GRK6: variants seen among roughly 807,000 people sequenced by gnomAD.
GRK6 encodes G protein-coupled receptor kinase 6.
A neutral mutation model predicts 80.8 loss-of-function variants in GRK6; 37 were observed. That is an observed-to-expected ratio of 0.46 (90% CI 0.35 to 0.60). GRK6 has a LOEUF of 0.60. Ranked by LOEUF, GRK6 falls within the 20% of genes least tolerant of loss-of-function variation. The pLI is 0.00. For synonymous variants in GRK6, 295 were observed against 320.9 expected, an observed-to-expected ratio of 0.92 and a Z score of 0.86; for missense variants, 560 against 784.6, an observed-to-expected ratio of 0.71 and a Z score of 3.42.
At position 177,436,265 on chromosome 5, in the gene GRK6, G is replaced by A. The variant is rs776311701; in HGVS notation, c.1250G>A (p.Arg417His). Reference sequence around the variant, plus strand: ...TCCGAGCGCTTTTCCCCGCAGGCCCGCTCACTTTGCTCACAGGTACGGCAG... The same window carrying A: ...TCCGAGCGCTTTTCCCCGCAGGCCCACTCACTTTGCTCACAGGTACGGCAG... ...EYSERFSPQA[R>H]SLCSQLLCKD... Residue 417 changes from arginine to histidine, a missense_variant, in exon 12 of 16, where the codon CGC becomes CAC. Coordinates refer to ENST00000355472, the MANE Select transcript of GRK6 (RefSeq NM_001004106.3). 8.7e-6 allele frequency: 14 copies of A among 1,613,960 alleles called. No homozygotes were observed. Among genetic ancestry groups the A allele is most frequent in the Admixed American group, 6.7e-5 (4 of 60,004 alleles).
chr5:177,426,947 C>A, intron 1 of GRK6, 50 bp downstream of exon 1: 1 of 1,236,818 alleles, frequency 8.1e-7, no homozygotes. Context: ...AGCGCGAGTG[C>A]GCTGCGTCTG....
At chr5:177,434,172 G>A (rs1460446273) in intron 9 of GRK6, 68 bp downstream of exon 9, 9 of 1,418,762 alleles carry the variant, frequency 6.3e-6, no homozygotes, top group African/African-American at 2.9e-5. Context: ...GGGCCTGGAC[G>A]GGGGTGGCCA....
At chr5:177,434,800 C>T in intron 9 of GRK6, 102 bp from the exon 10 acceptor site, 1 of 1,339,042 alleles carries the variant, frequency 7.5e-7, no homozygotes, top group Admixed American at 1.7e-5. Flanking sequence ...TCGCACCTTG[C>T]TCCACACCTG....
chr5:177,427,252 G>T (rs576579816), intron 1 of GRK6, among the ~76,000 whole-genome samples: 2 of 152,314 alleles, frequency 1.3e-5, no homozygotes, highest in South Asian at 4.1e-4. Flanking sequence ...CGTGCCAGGG[G>T]CCCAGACCCC....
In GRK6 at chr5:177,429,175, A is replaced by T. The variant is rs1487622963; in HGVS notation, c.53-1697A>T. Among the ~76,000 whole-genome samples the T allele has an allele frequency of 6.6e-6, 1 of 152,108 alleles. No homozygotes were observed. The highest frequency in any genetic ancestry group is 1.5e-5 in the Non-Finnish European group (1 of 68,012). On this transcript the variant is annotated intron_variant, in intron 1 of 15. Coordinates refer to ENST00000355472, the MANE Select transcript of GRK6 (RefSeq NM_001004106.3). This position sits in a 1 kb window ranked among gnomAD's most constrained non-coding sequence, Gnocchi z 4.3. ...CATATAAAATTGGGCCTGCTCTGGC[A>T]GAGTTGCTGTGAGGATGGAGTGGGA...
At position 177,428,134 on chromosome 5, in the gene GRK6, C is replaced by T. The variant is rs1036421093; in HGVS notation, c.52+1237C>T. Among the ~76,000 whole-genome samples the T allele has an allele frequency of 2.6e-5, 4 of 152,242 alleles. No homozygotes were observed. Among genetic ancestry groups the T allele is most frequent in the Non-Finnish European group, 5.9e-5 (4 of 68,038 alleles). ...GCCTGTCTTATCCCCTGTCCCTTAT[C>T]GAGCCCATGGGCTAGGCCTTCCTCC... On this transcript the variant is annotated intron_variant, in intron 1 of 15. Coordinates refer to ENST00000355472, the MANE Select transcript of GRK6 (RefSeq NM_001004106.3). The surrounding 1 kb of genome is among the most constrained non-coding windows in gnomAD (Gnocchi z 4.1).
intron 13 of GRK6, among the ~76,000 whole-genome samples, chr5:177,439,104 C>CA (rs757911270): frequency 2.0e-5 from 3 of 152,198 alleles, no homozygotes; most frequent in Non-Finnish European, 4.4e-5. Context: ...ATCTTCCATT[C>CA]AAAGTCGGAG....
chr5:177,427,366 T>C (rs1187141209), intron 1 of GRK6, among the ~76,000 whole-genome samples: 1 of 152,238 alleles, frequency 6.6e-6, no homozygotes, highest in Non-Finnish European at 1.5e-5. Context: ...GGGAAACTCC[T>C]GGCCACAAAT....
intron 13 of GRK6, among the ~76,000 whole-genome samples, chr5:177,437,715 CTCTT>C (rs1764228142): frequency 6.6e-6 from 1 of 152,248 alleles, no homozygotes; most frequent in African/African-American, 2.4e-5. Flanking sequence ...AACCTGTTGA[CTCTT>C]TCCCTCCCCC....
chr5:177,429,047 G>A lies in GRK6; in HGVS notation c.53-1825G>A, dbSNP rs982530361. On this transcript the variant is annotated intron_variant, in intron 1 of 15. Coordinates refer to ENST00000355472, the MANE Select transcript of GRK6 (RefSeq NM_001004106.3). The surrounding 1 kb of genome is among the most constrained non-coding windows in gnomAD (Gnocchi z 4.3). ...GTTGTGGCCATAGGGAGCTGGGTACGAATCCTGTACCCAGGATTGGTCTCT... is the reference window on the plus strand; with the variant it reads ...GTTGTGGCCATAGGGAGCTGGGTACAAATCCTGTACCCAGGATTGGTCTCT... 6.6e-6 allele frequency among the ~76,000 whole-genome samples: 1 copy of A among 152,156 alleles called. No homozygotes were observed. Among genetic ancestry groups the A allele is most frequent in the Non-Finnish European group, 1.5e-5 (1 of 68,018 alleles).
chr5:177,427,898 G>A (rs901561575), intron 1 of GRK6, among the ~76,000 whole-genome samples: 1 of 152,190 alleles, frequency 6.6e-6, no homozygotes, highest in Non-Finnish European at 1.5e-5. Context: ...TTACATGTGG[G>A]AAGCTGAGGC....
chr5:177,436,018 T>C (rs1764130255), intron 11 of GRK6, 55 bp from the exon 12 acceptor site: 1 of 1,491,522 alleles, frequency 6.7e-7, no homozygotes, highest in African/African-American at 1.4e-5. Context: ...TCCTGGGGCC[T>C]GAGGGTCCAC....
chr5:177,427,896 G>A (rs756381443), intron 1 of GRK6, among the ~76,000 whole-genome samples: 2 of 152,174 alleles, frequency 1.3e-5, no homozygotes, highest in Admixed American at 6.5e-5. Flanking sequence ...TTTTACATGT[G>A]GGAAGCTGAG....
chr5:177,433,781 GT>G (rs1053899960), intron 8 of GRK6, 105 bp downstream of exon 8: 1 of 1,539,180 alleles, frequency 6.5e-7, no homozygotes, highest in Non-Finnish European at 8.8e-7. Context: ...GGAAGGGCGG[GT>G]TTGGGGTGTT....
intron 2 of GRK6, among the ~76,000 whole-genome samples, chr5:177,431,519 C>T (rs1763885821): frequency 6.6e-6 from 1 of 152,366 alleles, no homozygotes; most frequent in Non-Finnish European, 1.5e-5. Flanking sequence ...CCCCGGTGGC[C>T]TGCACGTGCG....
At chr5:177,435,628 G>A (rs1356304793) in intron 11 of GRK6, among the ~76,000 whole-genome samples, 1 of 152,222 alleles carries the variant, frequency 6.6e-6, no homozygotes, top group Non-Finnish European at 1.5e-5. Flanking sequence ...TGCCTCCCAG[G>A]GCTGCCTGGA....
rs1358864728 is a variant in GRK6 at position 177,429,245 on chromosome 5, A to G, written c.53-1627A>G. Among the ~76,000 whole-genome samples the G allele has an allele frequency of 1.3e-5, 2 of 151,808 alleles. No homozygotes were observed. The highest frequency in any genetic ancestry group is 2.9e-5 in the Non-Finnish European group (2 of 67,942). On this transcript the variant is annotated intron_variant, in intron 1 of 15. Transcript: ENST00000355472. The surrounding 1 kb of genome is among the most constrained non-coding windows in gnomAD (Gnocchi z 4.3). Reference sequence around the variant, plus strand: ...CTCCCTCAGTACCCCTTCTCTTCCCAGGCACTCAGAGGCATGGGGAGGGGG... The same window carrying G: ...CTCCCTCAGTACCCCTTCTCTTCCCGGGCACTCAGAGGCATGGGGAGGGGG...
rs766378259 is a variant in GRK6, at chr5:177,431,992, C to T, written c.149-3C>T. 4 of 1,612,718 alleles carry T rather than the reference C, an allele frequency of 2.5e-6. No individual in the cohort carries two copies. The highest frequency in any genetic ancestry group is 3.3e-4 in the Middle Eastern group (2 of 6,038). ...ACCCAGCAGCTTCCATCACTGCCAA[C>T]AGAGCGTGACTATCACAGCCTGTGC... On this transcript the variant is annotated splice_polypyrimidine_tract_variant and splice_region_variant and intron_variant, in intron 2 of 15. Coordinates refer to ENST00000355472, the MANE Select transcript of GRK6 (RefSeq NM_001004106.3).
intron 13 of GRK6, among the ~76,000 whole-genome samples, chr5:177,437,385 A>G (rs1038495971): frequency 2.6e-5 from 4 of 152,112 alleles, no homozygotes; most frequent in Admixed American, 1.3e-4. Flanking sequence ...ACCTGCACCA[A>G]TGGGGGAGCT....
Sources: allele counts gnomAD v4.1 joint callset (sites outside exome capture counted in the v4.1 genomes callset), GRCh38; gene constraint gnomAD v4.1.1; non-coding constraint Gnocchi (gnomAD v3.1); transcripts MANE v1.5; gene names NCBI Gene and HGNC (gene_info 2026-07-23, HGNC 2026-07-21).